Variants in DNAH8 observed in about 807,000 individuals in gnomAD.
DNAH8 encodes the protein dynein axonemal heavy chain 8, also known as axonemal beta dynein heavy chain 8.
A neutral mutation model predicts 562.1 loss-of-function variants in DNAH8; 382 were observed. The ratio of observed to expected loss-of-function variants is 0.68; its 90% confidence interval spans 0.63 to 0.74. The LOEUF is 0.74. Among genes scored for constraint, DNAH8 ranks in the 30% least tolerant of loss-of-function variants. The pLI is 0.00. For synonymous variants in DNAH8, 1,881 were observed against 1,919.4 expected, an observed-to-expected ratio of 0.98 and a Z score of 0.52; for missense variants, 5,203 against 5,620.4, an observed-to-expected ratio of 0.93 and a Z score of 2.37.
At chr6:38,729,792 T>C in intron 3 of DNAH8, 110 bp from the exon 4 acceptor site, 1 of 628,840 alleles carries the variant, frequency 1.6e-6, no homozygotes, top group Admixed American at 3.0e-5. Flanking sequence ...GTTCTAATCT[T>C]GCCTTTATGT....
intron 8 of DNAH8, among the ~76,000 whole-genome samples, chr6:38,742,353 A>G (rs1764586656): frequency 6.6e-6 from 1 of 152,048 alleles, no homozygotes; most frequent in East Asian, 1.9e-4. Context: ...GGTGGGGTGC[A>G]ATGGTGTGTT....
chr6:38,826,176 T>C lies in DNAH8; in HGVS notation c.3868T>C (p.Ser1290Pro). 1.2e-6 allele frequency: 2 copies of C among 1,605,566 alleles called. No homozygotes were observed. Among genetic ancestry groups the C allele is most frequent in the Non-Finnish European group, 1.7e-6 (2 of 1,176,834 alleles). ...ATCAGAGCCGATGAAATTGGCCTTA[T>C]CCATCGAGGCCAAGGCATGGAAGAT... ...LHTEPMKLAL[S>P]IEAKAWKMLL... The change falls in exon 29 of 93, where the codon TCC becomes CCC. Residue 1290 changes from serine (S) to proline (P), a missense_variant. Physicochemically the swap from Ser to Pro is moderately conservative, Grantham distance 74. Coordinates refer to ENST00000327475, the MANE Select transcript of DNAH8 (RefSeq NM_001206927.2).
chr6:38,932,107 T>C (rs1260832032), intron 76 of DNAH8, 114 bp downstream of exon 76: 2 of 744,822 alleles, frequency 2.7e-6, no homozygotes, highest in African/African-American at 3.7e-5. Flanking sequence ...TATTTATCCT[T>C]GTTAACATAA....
chr6:38,770,498 T>G lies in DNAH8; in HGVS notation c.1703T>G (p.Phe568Cys). ...TCAGAATCCTCAGGGGAAAAATCTTTTGAGGTTTCAGAAATGTATATATTT... is the reference window on the plus strand; with the variant it reads ...TCAGAATCCTCAGGGGAAAAATCTTGTGAGGTTTCAGAAATGTATATATTT... The part of the protein sequence containing the change: ...LISESSGEKS[F>C]EVSEMYIFGK... Residue 568 changes from phenylalanine (F) to cysteine (C), a missense_variant, in exon 12 of 93, where the codon TTT becomes TGT. Phe to Cys is a radical substitution (Grantham distance 205). Around this residue, in one of 6 missense-constraint regions of DNAH8, gnomAD observed 2,176 missense variants for 2,365.1 expected, o/e 0.92. Transcript: ENST00000327475. The G allele has an allele frequency of 6.2e-7, 1 of 1,607,954 alleles. No individual in the cohort carries two copies.
intron 62 of DNAH8, 82 bp from the exon 63 acceptor site, chr6:38,906,172 G>T: frequency 1.2e-6 from 1 of 822,758 alleles, no homozygotes; most frequent in Non-Finnish European, 1.8e-6. Flanking sequence ...CTCCCAAAGT[G>T]CTGGGATTAC....
chr6:38,898,413 A>C, intron 61 of DNAH8, 33 bp downstream of exon 61: 1 of 1,497,956 alleles, frequency 6.7e-7, no homozygotes, highest in Non-Finnish European at 8.9e-7. Flanking sequence ...TGATATAAAT[A>C]GATGATTTAA....
intron 37 of DNAH8, among the ~76,000 whole-genome samples, chr6:38,849,206 A>G (rs931051022): frequency 3.3e-5 from 5 of 152,202 alleles, no homozygotes; most frequent in Non-Finnish European, 5.9e-5. Flanking sequence ...ATTCAAATGC[A>G]GTACTATTAT....
chr6:39,018,478 T>C (rs2150784463), intron 91 of DNAH8, among the ~76,000 whole-genome samples: 2 of 152,310 alleles, frequency 1.3e-5, no homozygotes, highest in East Asian at 3.9e-4. Flanking sequence ...TCTCGGCAAC[T>C]TCTGTCCTTG....
At chr6:38,969,779 AT>A (rs968551988) in intron 82 of DNAH8, among the ~76,000 whole-genome samples, 14 of 152,108 alleles carry the variant, frequency 9.2e-5, no homozygotes, top group African/African-American at 3.4e-4. Flanking sequence ...TAGTCTGTAA[AT>A]AAGAACTTTG....
chr6:38,908,172 G>T, intron 64 of DNAH8, 52 bp downstream of exon 64: 2 of 1,129,258 alleles, frequency 1.8e-6, no homozygotes, highest in South Asian at 2.1e-5. Context: ...CTTATTTAAA[G>T]GTGCTTAGTT....
chr6:38,945,584 A>G lies in DNAH8; in HGVS notation c.12125A>G (p.Asn4042Ser). ...SKLPQFAEIMNQISRNEKGWK... is the reference protein window; with the variant it reads ...SKLPQFAEIMSQISRNEKGWK... ...CTTCCACAATTTGCAGAAATTATGA[A>G]CCAGGTAATACAATAAAGGGCTGGT... Residue 4042 changes from asparagine to serine, a missense_variant, in exon 80 of 93, where the codon AAC becomes AGC. Physicochemically the swap from Asn to Ser is conservative, Grantham distance 46. Coordinates refer to ENST00000327475, the MANE Select transcript of DNAH8 (RefSeq NM_001206927.2). 6.2e-7 allele frequency: 1 copy of G among 1,614,016 alleles called. No homozygotes were observed. The highest frequency in any genetic ancestry group is 8.5e-7 in the Non-Finnish European group (1 of 1,179,944).
At chr6:38,964,584 TA>T (rs1193481460) in intron 82 of DNAH8, among the ~76,000 whole-genome samples, 1 of 151,828 alleles carries the variant, frequency 6.6e-6, no homozygotes, top group Non-Finnish European at 1.5e-5. Flanking sequence ...CAAGGGTGTT[TA>T]ATCTAGTGCT....
intron 10 of DNAH8, among the ~76,000 whole-genome samples, chr6:38,759,110 C>G (rs1393672254): frequency 1.3e-5 from 2 of 151,958 alleles, no homozygotes; most frequent in African/African-American, 4.8e-5. Context: ...TGAGACCAAC[C>G]TGGGCAACAT....
At chr6:38,747,384 C>CTTTTTTTTTTTTTT (rs55729629) in intron 8 of DNAH8, among the ~76,000 whole-genome samples, 18 of 113,748 alleles carry the variant, frequency 1.6e-4, no homozygotes, top group East Asian at 8.3e-4. Context: ...TTTTCTTTTT[C>CTTTTTTTTTTTTTT]TTTTTTTTTT....
chr6:38,915,849 CACAT>C (rs999786499), intron 68 of DNAH8, among the ~76,000 whole-genome samples: 140 of 101,414 alleles, frequency 1.4e-3, no homozygotes, highest in Non-Finnish European at 1.8e-3. Flanking sequence ...CACACACACA[CACAT>C]ACACACACAC....
Position 38,935,697 on chromosome 6 carries a change from G to A in DNAH8, c.11563G>A (p.Gly3855Ser), listed in dbSNP as rs1782897626. ...NLLYKLSATKGSLVDDESLIG... is the reference protein window; with the variant it reads ...NLLYKLSATKSSLVDDESLIG... Reference sequence around the variant, plus strand: ...CCTCTATAAATTAAGTGCTACAAAAGGTATTGTGTTATTAAGAAGTAATGA... The same window carrying A: ...CCTCTATAAATTAAGTGCTACAAAAAGTATTGTGTTATTAAGAAGTAATGA... The change falls in exon 77 of 93, where the codon GGC becomes AGC. Residue 3855 changes from glycine to serine, a missense_variant and splice_region_variant. Coordinates refer to ENST00000327475, the MANE Select transcript of DNAH8 (RefSeq NM_001206927.2). 1 of 1,590,504 alleles carries A rather than the reference G, an allele frequency of 6.3e-7. No homozygotes were observed. The highest frequency in any genetic ancestry group is 2.2e-5 in the East Asian group (1 of 44,618).
chr6:38,882,647 A>C (rs549409711), intron 53 of DNAH8, among the ~76,000 whole-genome samples: 1 of 152,302 alleles, frequency 6.6e-6, no homozygotes, highest in South Asian at 2.1e-4. Flanking sequence ...AATCTGTACG[A>C]CAAACCCCTG....
At chr6:38,845,880 A>G in intron 36 of DNAH8, 107 bp downstream of exon 36, 1 of 922,094 alleles carries the variant, frequency 1.1e-6, no homozygotes, top group Non-Finnish European at 1.7e-6. Context: ...TTCTGCACTA[A>G]ATTTGGTATT....
At chr6:38,827,911 G>T (rs373283570) in intron 29 of DNAH8, among the ~76,000 whole-genome samples, 138 of 151,774 alleles carry the variant, frequency 9.1e-4, no homozygotes, top group African/African-American at 2.9e-3. Flanking sequence ...ACGTGGTGTT[G>T]ACATAGGGTC....
Sources: allele counts gnomAD v4.1 joint callset (sites outside exome capture counted in the v4.1 genomes callset), GRCh38; gene constraint gnomAD v4.1.1; regional missense constraint gnomAD v4.1.1; transcripts MANE v1.5; gene names NCBI Gene and HGNC (gene_info 2026-07-23, HGNC 2026-07-21).